The following SORCS1 variants were observed in gnomAD, a reference collection of about 807,000 sequenced individuals.
The protein encoded by SORCS1 is VPS10 domain-containing receptor SorCS1.
A neutral mutation model predicts 146.1 loss-of-function variants in SORCS1; 60 were observed. That is an observed-to-expected ratio of 0.41 (90% CI 0.33 to 0.51). SORCS1 has a LOEUF of 0.51. Among genes scored for constraint, SORCS1 ranks in the 20% least tolerant of loss-of-function variants. SORCS1 has a pLI of 0.21. For missense variants in SORCS1, 1,352 were observed against 1,487.6 expected, an observed-to-expected ratio of 0.91 and a Z score of 1.50; for synonymous variants, 637 against 584.0, an observed-to-expected ratio of 1.09 and a Z score of -1.31.
intron 23 of SORCS1, among the ~76,000 whole-genome samples, chr10:106,601,272 G>A (rs1216639713): frequency 6.6e-6 from 1 of 152,208 alleles, no homozygotes; most frequent in Non-Finnish European, 1.5e-5. Context: ...TCTGTCTGGT[G>A]AAAAGCGTGT....
chr10:106,842,396 G>A (rs907897791), intron 2 of SORCS1, among the ~76,000 whole-genome samples: 6 of 152,010 alleles, frequency 3.9e-5, no homozygotes, highest in African/African-American at 9.7e-5. Flanking sequence ...ACCAGGCCCG[G>A]CTAATTTTTG....
chr10:106,941,041 C>T (rs972468301), intron 2 of SORCS1, among the ~76,000 whole-genome samples: 11 of 152,226 alleles, frequency 7.2e-5, no homozygotes, highest in South Asian at 2.1e-4. Context: ...TGACCCTGTT[C>T]GGGTTACCTC....
intron 5 of SORCS1, among the ~76,000 whole-genome samples, chr10:106,744,070 G>A (rs749605459): frequency 9.9e-5 from 15 of 152,120 alleles, no homozygotes; most frequent in Non-Finnish European, 2.2e-4. Flanking sequence ...TGATCACAGA[G>A]TATTGGTAAT....
In SORCS1 at chr10:106,574,556, G is replaced by A. The variant is rs1305554121; in HGVS notation, c.*2864C>T. On this transcript the variant is annotated 3_prime_UTR_variant, in exon 26 of 26. Coordinates refer to ENST00000263054, the MANE Select transcript of SORCS1 (RefSeq NM_052918.5). ...TTAGTATGTATCACAATCACTGGGA[G>A]GGCTTGTTAAAATAGGTGGCTGGGC... 1 of 152,562 alleles carries A rather than the reference G, an allele frequency of 6.6e-6. No individual in the cohort carries two copies. Among genetic ancestry groups the A allele is most frequent in the Non-Finnish European group, 1.5e-5 (1 of 68,054 alleles). The allele number at this position is 152,562 out of a possible 1,614,324, so 9.5% of individuals were successfully genotyped here.
intron 2 of SORCS1, among the ~76,000 whole-genome samples, chr10:106,903,384 A>C (rs1443744318): frequency 1.3e-5 from 2 of 152,200 alleles, no homozygotes; most frequent in Non-Finnish European, 2.9e-5. Context: ...ACTGAGAAAA[A>C]AGAGGTTTAC....
chr10:106,916,052 CTCA>C (rs1186944164), intron 2 of SORCS1, among the ~76,000 whole-genome samples: 2 of 152,232 alleles, frequency 1.3e-5, no homozygotes, highest in Non-Finnish European at 2.9e-5. Flanking sequence ...ACACCTCTTG[CTCA>C]TCACTTTACT....
At position 106,822,298 on chromosome 10, in the gene SORCS1, G is replaced by A. The variant is rs186185090; in HGVS notation, c.726+7276C>T. ...AATATAGAATATATGGCAATTTCGG[G>A]TATAGGTCAGTGTACAGAGAGGAGT... On this transcript the variant is annotated intron_variant, in intron 3 of 25. Transcript: ENST00000263054. Among the ~76,000 whole-genome samples, 411 of 152,216 alleles carry A rather than the reference G, an allele frequency of 2.7e-3. 2 individuals carry two copies. The highest frequency in any genetic ancestry group is 4.5e-3 in the Non-Finnish European group (304 of 68,020).
chr10:106,614,298 C>G (rs2133440937), intron 21 of SORCS1, among the ~76,000 whole-genome samples: 1 of 152,148 alleles, frequency 6.6e-6, no homozygotes, highest in East Asian at 1.9e-4. Flanking sequence ...CATTAGGGTC[C>G]AAGCGACATT....
chr10:106,962,815 G>T (rs1224159666), intron 1 of SORCS1, among the ~76,000 whole-genome samples: 1 of 152,142 alleles, frequency 6.6e-6, no homozygotes, highest in Non-Finnish European at 1.5e-5. Context: ...GTGAGCAAGG[G>T]AACAACCATA....
intron 1 of SORCS1, among the ~76,000 whole-genome samples, chr10:107,053,867 G>GT (rs1960357600): frequency 6.6e-6 from 1 of 152,140 alleles, no homozygotes; most frequent in African/African-American, 2.4e-5. Context: ...AAATGCACAT[G>GT]CCTGTCTGGC....
chr10:106,576,336 C>T lies in SORCS1; in HGVS notation c.*1084G>A, dbSNP rs945471623. 6 of 152,278 alleles carry T rather than the reference C, an allele frequency of 3.9e-5. No homozygotes were observed. Among genetic ancestry groups the T allele is most frequent in the African/African-American group, 1.4e-4 (6 of 41,446 alleles). The allele number at this position is 152,278 out of a possible 1,614,324, so 9.4% of individuals were successfully genotyped here. A position where few individuals can be genotyped will look rare whatever the true frequency, so the allele number is the denominator to read the frequency against. ...TTTAGGAAACGTCAGGGTTAATGTC[C>T]AGAATCTAGCAATATGTTTGGGAAG... On this transcript the variant is annotated 3_prime_UTR_variant, in exon 26 of 26. Transcript: ENST00000263054.
intron 7 of SORCS1, among the ~76,000 whole-genome samples, chr10:106,707,574 C>A (rs1854624693): frequency 6.6e-6 from 1 of 152,134 alleles, no homozygotes. Context: ...AATCATAGCT[C>A]ATGCACCCTT....
chr10:106,647,007 GTATATATA>G (rs57891596), intron 18 of SORCS1, among the ~76,000 whole-genome samples: 13,800 of 133,756 alleles, frequency 0.1, 1,117 homozygotes, highest in African/African-American at 0.22. Flanking sequence ...GTTTGTATGT[GTATATATA>G]TATATATATA....
intron 1 of SORCS1, among the ~76,000 whole-genome samples, chr10:107,111,946 T>G (rs1965728099): frequency 6.6e-6 from 1 of 152,114 alleles, no homozygotes; most frequent in African/African-American, 2.4e-5. Flanking sequence ...AAAGAAAAAC[T>G]GCCAACTAAC....
At chr10:107,136,925 C>A (rs1967350357) in intron 1 of SORCS1, among the ~76,000 whole-genome samples, 1 of 152,168 alleles carries the variant, frequency 6.6e-6, no homozygotes. Flanking sequence ...TATCTGGGAA[C>A]AAATTCCCCT....
At chr10:106,579,763 G>C (rs553721365) in intron 24 of SORCS1, among the ~76,000 whole-genome samples, 5 of 151,832 alleles carry the variant, frequency 3.3e-5, no homozygotes, top group African/African-American at 1.2e-4. Flanking sequence ...TGGGCAATTT[G>C]CTTCACCTTA....
At chr10:107,156,672 G>A (rs1969307320) in intron 1 of SORCS1, among the ~76,000 whole-genome samples, 1 of 152,154 alleles carries the variant, frequency 6.6e-6, no homozygotes, top group Non-Finnish European at 1.5e-5. Context: ...GCATCAACAG[G>A]CAGTCCTTCA....
rs369334370 is a variant in SORCS1, at chr10:106,706,619, G to T, written c.1159C>A (p.Arg387=). The change falls in exon 8 of 26, where the codon CGG becomes AGG. Residue 387 remains arginine, a synonymous_variant. Coordinates refer to ENST00000263054, the MANE Select transcript of SORCS1 (RefSeq NM_052918.5). ...YVFVQLTSGG[R]PHYYVSYRRN... ...CGGTAGGACACGTAGTAATGTGGCC[G>T]CCCTCCTGATGTCAGCTGGATCATA... is the stretch of plus-strand genomic sequence containing the variant. The T allele has an allele frequency of 1.2e-6, 2 of 1,614,032 alleles. No individual in the cohort carries two copies. The highest frequency in any genetic ancestry group is 3.3e-5 in the Admixed American group (2 of 60,006).
At chr10:107,000,224 C>A (rs2139603934) in intron 1 of SORCS1, among the ~76,000 whole-genome samples, 1 of 152,316 alleles carries the variant, frequency 6.6e-6, no homozygotes, top group East Asian at 1.9e-4. Flanking sequence ...GCACACCCAG[C>A]AGTTGATGTC....
Sources: allele counts gnomAD v4.1 joint callset (sites outside exome capture counted in the v4.1 genomes callset), GRCh38; gene constraint gnomAD v4.1.1; transcripts MANE v1.5; gene names NCBI Gene and HGNC (gene_info 2026-07-23, HGNC 2026-07-21).